Variants in RPS6KA2 observed in about 807,000 individuals in gnomAD.
RPS6KA2 encodes ribosomal protein S6 kinase A2, also known as ribosomal protein S6 kinase alpha-2.
Under a neutral mutation model 91.8 loss-of-function variants are expected in RPS6KA2, and 42 were observed. The ratio of observed to expected loss-of-function variants is 0.46; its 90% CI spans 0.36 to 0.59. The LOEUF (loss-of-function observed/expected upper bound fraction) is 0.59. RPS6KA2 is among the 20% of genes least tolerant of loss of function. The pLI is 0.00. For missense variants in RPS6KA2, 798 were observed against 978.5 expected (o/e 0.82, Z 2.46); for synonymous variants, 414 against 393.6 (o/e 1.05, Z -0.61).
chr6:166,713,440 T>C (rs758412326), intron 2 of RPS6KA2, among the ~76,000 whole-genome samples: 2 of 152,228 alleles, frequency 1.3e-5, no homozygotes, highest in African/African-American at 2.4e-5. Flanking sequence ...GTGGGATATC[T>C]ATGCAGATAG....
intron 2 of RPS6KA2, among the ~76,000 whole-genome samples, chr6:166,672,631 T>A (rs1788501842): frequency 6.6e-6 from 1 of 152,226 alleles, no homozygotes; most frequent in Non-Finnish European, 1.5e-5. Flanking sequence ...CTTACTCCTC[T>A]ACTGCGATAC....
chr6:166,739,720 C>T (rs535839454), intron 2 of RPS6KA2, among the ~76,000 whole-genome samples: 3 of 152,334 alleles, frequency 2.0e-5, no homozygotes, highest in South Asian at 4.1e-4. Context: ...TAAAAGACTC[C>T]GGTGATGGGA....
At chr6:166,672,006 C>G (rs1453311734) in intron 2 of RPS6KA2, among the ~76,000 whole-genome samples, 2 of 152,202 alleles carry the variant, frequency 1.3e-5, no homozygotes, top group Non-Finnish European at 2.9e-5. Context: ...GTGTCTCCAC[C>G]TAGTCATGAT....
intron 1 of RPS6KA2, among the ~76,000 whole-genome samples, chr6:166,568,120 A>G (rs3799613): frequency 0.22 from 33,081 of 152,112 alleles, 4,059 homozygotes; most frequent in Admixed American, 0.27. Flanking sequence ...GATGCCCACC[A>G]CAGGCCTCAG....
chr6:166,501,264 A>G (rs1337349911), intron 6 of RPS6KA2, among the ~76,000 whole-genome samples: 1 of 152,186 alleles, frequency 6.6e-6, no homozygotes, highest in Admixed American at 6.5e-5. Context: ...ATAGGTGGAG[A>G]GCGTCCTGGG....
At chr6:166,630,609 G>T (rs1386049387), upstream of RPS6KA2, among the ~76,000 whole-genome samples, 1 of 152,176 alleles carries the variant, frequency 6.6e-6, no homozygotes, top group Non-Finnish European at 1.5e-5. Context: ...AGCATTCGAA[G>T]GCTCTGCCCA....
chr6:166,826,461 C>T (rs1001890371), intron 2 of RPS6KA2, among the ~76,000 whole-genome samples: 11 of 152,198 alleles, frequency 7.2e-5, no homozygotes, highest in African/African-American at 2.7e-4. Flanking sequence ...TTCAAGTCAT[C>T]CACAGCGCTG....
intron 11 of RPS6KA2, among the ~76,000 whole-genome samples, chr6:166,467,226 ACTCC>A (rs1780574566): frequency 8.4e-6 from 1 of 119,580 alleles, no homozygotes; most frequent in African/African-American, 2.7e-5. Flanking sequence ...TCACTCATTC[ACTCC>A]CTCCTTCCCT....
intron 2 of RPS6KA2, 46 bp downstream of exon 2, chr6:166,538,622 T>C (rs771765800): frequency 1.8e-6 from 2 of 1,108,272 alleles, no homozygotes; most frequent in Admixed American, 1.7e-5. Context: ...CAGGTGTCCT[T>C]TGTGTTCAGG....
At chr6:166,498,802 T>G (rs978465216) in intron 7 of RPS6KA2, 152 bp from the exon 8 acceptor site, 65 of 1,007,356 alleles carry the variant, frequency 6.5e-5, no homozygotes, top group Non-Finnish European at 1.6e-5. Flanking sequence ...ACCATGTGAG[T>G]GCTTCCCGAA....
chr6:166,646,318 C>A (rs1320213606), intron 2 of RPS6KA2, among the ~76,000 whole-genome samples: 6 of 151,958 alleles, frequency 3.9e-5, no homozygotes, highest in South Asian at 4.1e-4. Flanking sequence ...GTAGCAGGGA[C>A]CCCCCTGGAC....
chr6:166,437,373 G>A lies in RPS6KA2; in HGVS notation c.1333-4883C>T, dbSNP rs1027093413. Reference sequence around the variant, plus strand: ...CTTTATTATGCAACAAAACAGGGAGGCCTTCTCAGCAAGCGTGGTGATGAA... The same window carrying A: ...CTTTATTATGCAACAAAACAGGGAGACCTTCTCAGCAAGCGTGGTGATGAA... On this transcript the variant is annotated intron_variant, in intron 14 of 20. Transcript: ENST00000265678. The surrounding 1 kb of genome is among the most constrained non-coding windows in gnomAD (Gnocchi z 4.3). 2.0e-5 allele frequency among the ~76,000 whole-genome samples: 3 copies of A among 152,190 alleles called. No homozygotes were observed. The highest frequency in any genetic ancestry group is 2.0e-4 in the Admixed American group (3 of 15,278).
At chr6:166,837,518 G>A (rs1780350837) in intron 2 of RPS6KA2, among the ~76,000 whole-genome samples, 1 of 152,188 alleles carries the variant, frequency 6.6e-6, no homozygotes, top group South Asian at 2.1e-4. Context: ...CCACCTGAGG[G>A]CTCCCCGCTC....
intron 2 of RPS6KA2, among the ~76,000 whole-genome samples, chr6:166,738,508 G>A (rs1179092706): frequency 6.6e-6 from 1 of 152,196 alleles, no homozygotes; most frequent in African/African-American, 2.4e-5. Context: ...CAGGCAGGCA[G>A]CCCCAGCTGA....
chr6:166,561,905 C>T (rs1452414491), intron 1 of RPS6KA2, among the ~76,000 whole-genome samples: 2 of 152,062 alleles, frequency 1.3e-5, no homozygotes, highest in East Asian at 3.9e-4. Flanking sequence ...GAGAGAGCGG[C>T]CACCAGAAGC....
chr6:166,594,241 C>G (rs1785455491), intron 1 of RPS6KA2, among the ~76,000 whole-genome samples: 1 of 152,062 alleles, frequency 6.6e-6, no homozygotes, highest in Admixed American at 6.5e-5. Flanking sequence ...TTTTAAAGAA[C>G]TGCACATATG....
At chr6:166,753,699 T>A (rs1194811611) in intron 2 of RPS6KA2, among the ~76,000 whole-genome samples, 3 of 152,232 alleles carry the variant, frequency 2.0e-5, no homozygotes, top group Non-Finnish European at 4.4e-5. Flanking sequence ...TGTGTTAATG[T>A]GTGGTGTTAT....
At chr6:166,607,263 TC>T (rs1785987914) in intron 1 of RPS6KA2, among the ~76,000 whole-genome samples, 1 of 151,162 alleles carries the variant, frequency 6.6e-6, no homozygotes, top group South Asian at 2.1e-4. Flanking sequence ...CCATCCCAGA[TC>T]CAGCAATTCC....
Position 166,451,346 on chromosome 6 carries a change from T to TGTGA in RPS6KA2, c.1076-114_1076-113insTCAC, listed in dbSNP as rs1459077463. On this transcript the variant is annotated intron_variant, in intron 12 of 20. Transcript: ENST00000265678. ...GTGTGCAAGTCCGTGTGTGTGTGTGTGTGTGTGTGTGTGCACGTGGCGTAT... is the reference window on the plus strand; with the variant it reads ...GTGTGCAAGTCCGTGTGTGTGTGTGTGTGAGTGTGTGTGTGTGCACGTGGCGTAT... The TGTGA allele has an allele frequency of 1.2e-5, 14 of 1,154,634 alleles. No homozygotes were observed. The East Asian group carries it at 3.1e-4, about 26-fold the overall frequency. The allele number at this position is 1,154,634 out of a possible 1,614,324, so 71.5% of individuals were successfully genotyped here.
Sources: allele counts gnomAD v4.1 joint callset (sites outside exome capture counted in the v4.1 genomes callset), GRCh38; gene constraint gnomAD v4.1.1; non-coding constraint Gnocchi (gnomAD v3.1); transcripts MANE v1.5; gene names NCBI Gene and HGNC (gene_info 2026-07-23, HGNC 2026-07-21).